CAMK2D: variants seen among roughly 807,000 people sequenced by gnomAD.
CAMK2D encodes the protein calcium/calmodulin-dependent protein kinase type II subunit delta.
A neutral mutation model predicts 84.0 loss-of-function variants in CAMK2D; 37 were observed. The ratio of observed to expected loss-of-function variants is 0.44; its 90% CI spans 0.34 to 0.58. The LOEUF (loss-of-function observed/expected upper bound fraction) is 0.58, where lower values mean the gene tolerates loss of function less well. Ranked by LOEUF, CAMK2D falls within the 20% of genes least tolerant of loss-of-function variation. The pLI is 0.02. For synonymous variants in CAMK2D, 202 were observed against 212.5 expected (o/e 0.95, Z 0.43); for missense variants, 448 against 652.5 (o/e 0.69, Z 3.41).
At chr4:113,651,107 T>G (rs2099170608) in intron 3 of CAMK2D, among the ~76,000 whole-genome samples, 1 of 152,204 alleles carries the variant, frequency 6.6e-6, no homozygotes, top group African/African-American at 2.4e-5. Context: ...GGATATGTTA[T>G]AAATTACTAC....
chr4:113,741,754 G>T (rs2099593505), intron 2 of CAMK2D, among the ~76,000 whole-genome samples: 1 of 152,050 alleles, frequency 6.6e-6, no homozygotes, highest in African/African-American at 2.4e-5. Flanking sequence ...TTGGCTAAAA[G>T]ACTCTACACA....
chr4:113,530,905 G>A (rs1222652153), intron 8 of CAMK2D, among the ~76,000 whole-genome samples: 2 of 152,022 alleles, frequency 1.3e-5, no homozygotes, highest in Admixed American at 6.6e-5. Context: ...CCATCATGGT[G>A]AAACCCTGTC....
At chr4:113,697,392 C>T (rs1404576630) in intron 2 of CAMK2D, among the ~76,000 whole-genome samples, 3 of 151,712 alleles carry the variant, frequency 2.0e-5, no homozygotes, top group Non-Finnish European at 4.4e-5. Flanking sequence ...AAGAGCTTAA[C>T]AGACAAAAAG....
At chr4:113,477,719 C>T (rs1344362650) in intron 16 of CAMK2D, among the ~76,000 whole-genome samples, 3 of 139,706 alleles carry the variant, frequency 2.1e-5, no homozygotes, top group South Asian at 4.5e-4. Flanking sequence ...GCACTCCAGC[C>T]TGGGCAACAG....
At chr4:113,515,214 A>G (rs768811117) in intron 9 of CAMK2D, 23 bp from the exon 10 acceptor site, 9 of 1,549,676 alleles carry the variant, frequency 5.8e-6, no homozygotes, top group Admixed American at 3.8e-5. Flanking sequence ...AAATTTATAA[A>G]AAGTTTAAAA....
intron 3 of CAMK2D, among the ~76,000 whole-genome samples, chr4:113,610,964 A>C (rs572137673): frequency 1.3e-5 from 2 of 152,106 alleles, no homozygotes; most frequent in Admixed American, 6.6e-5. Flanking sequence ...CTTTCATCAA[A>C]TTGTTTTTGA....
chr4:113,661,275 T>C (rs2099230568), intron 3 of CAMK2D, among the ~76,000 whole-genome samples: 1 of 145,816 alleles, frequency 6.9e-6, no homozygotes, highest in Admixed American at 6.8e-5. Flanking sequence ...AGGTAAAGGA[T>C]TATTGTTTTC....
chr4:113,606,986 T>C (rs2154265013), intron 4 of CAMK2D, among the ~76,000 whole-genome samples: 1 of 152,158 alleles, frequency 6.6e-6, no homozygotes, highest in East Asian at 1.9e-4. Flanking sequence ...CAGAAGGAAG[T>C]GGCACAACAT....
At chr4:113,713,582 G>A (rs2099501430) in intron 2 of CAMK2D, among the ~76,000 whole-genome samples, 2 of 149,442 alleles carry the variant, frequency 1.3e-5, no homozygotes, top group Non-Finnish European at 3.0e-5. Flanking sequence ...GCCAGTAGCT[G>A]CCAATCTAAT....
intron 16 of CAMK2D, among the ~76,000 whole-genome samples, chr4:113,471,729 C>G (rs779357554): frequency 6.6e-6 from 1 of 152,084 alleles, no homozygotes. Context: ...TCTCCCACAC[C>G]GGCCTCTCTC....
chr4:113,596,938 G>A (rs1267749511), intron 4 of CAMK2D, among the ~76,000 whole-genome samples: 1 of 151,736 alleles, frequency 6.6e-6, no homozygotes, highest in East Asian at 1.9e-4. Context: ...TCCTGCCTCA[G>A]CCTCCTGAGT....
chr4:113,593,154 TA>T (rs1239344474), intron 4 of CAMK2D, among the ~76,000 whole-genome samples: 1 of 152,224 alleles, frequency 6.6e-6, no homozygotes, highest in Non-Finnish European at 1.5e-5. Flanking sequence ...GTGCCCAGCC[TA>T]AATTTAACAT....
intron 16 of CAMK2D, among the ~76,000 whole-genome samples, chr4:113,497,679 G>A (rs889977391): frequency 6.6e-6 from 1 of 152,168 alleles, no homozygotes; most frequent in African/African-American, 2.4e-5. Context: ...CATTGGAGAG[G>A]ACACAGAAGC....
At position 113,696,187 on chromosome 4, in the gene CAMK2D, GACACACAGACAC is replaced by G. The variant is rs765359654; in HGVS notation, c.161-34427_161-34416del. 9.7e-3 allele frequency among the ~76,000 whole-genome samples: 670 copies of G among 68,830 alleles called. 1 individual carries two copies. Among genetic ancestry groups the G allele is most frequent in the Non-Finnish European group, 0.015 (533 of 34,788 alleles). The allele number at this position is 68,830 out of a possible 152,430, so 45.2% of individuals were successfully genotyped here. A position where few individuals can be genotyped will look rare whatever the true frequency, so the allele number is the denominator to read the frequency against. Reference sequence around the variant, plus strand: ...ACACCACTTGACAGACAGACACACAGACACACAGACACACACACACACACACACACACACACA... The same window carrying G: ...ACACCACTTGACAGACAGACACACAGACACACACACACACACACACACACA... On this transcript the variant is annotated intron_variant, in intron 2 of 20. Transcript: ENST00000511664.
chr4:113,701,323 T>C (rs778054792), intron 2 of CAMK2D, among the ~76,000 whole-genome samples: 2 of 152,240 alleles, frequency 1.3e-5, no homozygotes, highest in Non-Finnish European at 2.9e-5. Context: ...CTCTCAACAA[T>C]TGGAATGCTA....
chr4:113,546,332 A>G (rs2098571552), intron 6 of CAMK2D, among the ~76,000 whole-genome samples: 1 of 152,228 alleles, frequency 6.6e-6, no homozygotes, highest in African/African-American at 2.4e-5. Context: ...AAAGAAACAC[A>G]CTGCTTTTGC....
At chr4:113,454,925 G>A (rs2097287511) in intron 20 of CAMK2D, among the ~76,000 whole-genome samples, 1 of 152,080 alleles carries the variant, frequency 6.6e-6, no homozygotes, top group East Asian at 1.9e-4. Flanking sequence ...TAGATTCCTT[G>A]GGAAATGAAA....
At chr4:113,519,250 T>C (rs2098326613) in intron 8 of CAMK2D, among the ~76,000 whole-genome samples, 1 of 152,202 alleles carries the variant, frequency 6.6e-6, no homozygotes, top group Admixed American at 6.5e-5. Context: ...TGTTATAGAA[T>C]TATGAAATAG....
chr4:113,733,231 T>G (rs938412247), intron 2 of CAMK2D, among the ~76,000 whole-genome samples: 2 of 152,226 alleles, frequency 1.3e-5, no homozygotes, highest in African/African-American at 4.8e-5. Flanking sequence ...TCTGAAATGA[T>G]TTCAAAAGAA....
Sources: allele counts gnomAD v4.1 joint callset (sites outside exome capture counted in the v4.1 genomes callset), GRCh38; gene constraint gnomAD v4.1.1; transcripts MANE v1.5; gene names NCBI Gene and HGNC (gene_info 2026-07-23, HGNC 2026-07-21).